TCF20: variants seen among roughly 807,000 people sequenced by gnomAD.
The protein encoded by TCF20 is SPRE-binding protein.
Under a neutral mutation model 148.6 loss-of-function variants are expected in TCF20, and 3 were observed. The observed-to-expected ratio is 0.02, with a 90% CI of 0.01 to 0.05. The LOEUF is 0.05. Among genes scored for constraint, TCF20 ranks in the 10% least tolerant of loss-of-function variants. The probability of loss-of-function intolerance (pLI) is 1.00; values close to 1 mark genes in which losing one functional copy is unlikely to be tolerated. For missense variants in TCF20, 2,350 were observed against 2,429.3 expected (o/e 0.97, Z 0.69); for synonymous variants, 1,049 against 909.5 (o/e 1.15, Z -2.76).
chr22:42,288,102 A>G (rs1028848155), upstream of TCF20, among the ~76,000 whole-genome samples: 3 of 152,060 alleles, frequency 2.0e-5, no homozygotes, highest in Non-Finnish European at 2.9e-5. Flanking sequence ...CTATTAAGAG[A>G]TCAGAGTGCT....
rs1037635953 is a variant in TCF20, at chr22:42,318,635, C to A, written c.-37+24844G>T. Among the ~76,000 whole-genome samples the A allele has an allele frequency of 1.1e-4, 16 of 152,188 alleles. No individual in the cohort carries two copies. The South Asian group carries it at 1.5e-3, about 14-fold the overall frequency. ...TGAGCCCTAGCACTGCCCAGCCAAG[C>A]CTTCATCAGGGACCACGAGTGAGGG... On this transcript the variant is annotated intron_variant, in intron 1 of 1. Transcript: ENST00000515426.
intron 1 of TCF20, among the ~76,000 whole-genome samples, chr22:42,309,838 G>T (rs1927501693): frequency 6.6e-6 from 1 of 152,220 alleles, no homozygotes; most frequent in Admixed American, 6.5e-5. Flanking sequence ...TCACAGTGTT[G>T]TGGTGAGGAT....
At chr22:42,313,597 CTTT>C (rs551146210) in intron 1 of TCF20, among the ~76,000 whole-genome samples, 3 of 120,306 alleles carry the variant, frequency 2.5e-5, no homozygotes, top group Admixed American at 8.9e-5. Context: ...AGAATTCTTT[CTTT>C]TTTTTTTTTT....
At position 42,297,995 on chromosome 22, in the gene TCF20, G is replaced by C. The variant is rs1927265749; in HGVS notation, c.-37+45484C>G. Among the ~76,000 whole-genome samples, 1 of 152,210 alleles carries C rather than the reference G, an allele frequency of 6.6e-6. No homozygotes were observed. Among genetic ancestry groups the C allele is most frequent in the Admixed American group, 6.5e-5 (1 of 15,284 alleles). On this transcript the variant is annotated intron_variant, in intron 1 of 1. Transcript: ENST00000515426. This position sits in a 1 kb window ranked among gnomAD's most constrained non-coding sequence, Gnocchi z 4.3. ...GCTGCTCACATCTGTACAAAGTGGT[G>C]GGGCTTTTCAGCATCTGTCTTCTCA...
intron 1 of TCF20, among the ~76,000 whole-genome samples, chr22:42,269,309 CAA>C (rs967200299): frequency 4.6e-5 from 7 of 151,948 alleles, no homozygotes; most frequent in Non-Finnish European, 8.8e-5. Context: ...GAAAAAAAAG[CAA>C]AAAGGAAAAG....
intron 1 of TCF20, among the ~76,000 whole-genome samples, chr22:42,255,706 A>T (rs946728467): frequency 6.6e-6 from 1 of 152,132 alleles, no homozygotes; most frequent in African/African-American, 2.4e-5. Context: ...AGAAAATCAG[A>T]ACAGTAAGAG....
chr22:42,203,611 T>C (rs1938189288), intron 2 of TCF20, among the ~76,000 whole-genome samples: 1 of 152,206 alleles, frequency 6.6e-6, no homozygotes, highest in African/African-American at 2.4e-5. Flanking sequence ...TACCACACAG[T>C]GTTAAGAAAA....
At chr22:42,300,515 A>C (rs1256473494) in intron 1 of TCF20, among the ~76,000 whole-genome samples, 3 of 152,178 alleles carry the variant, frequency 2.0e-5, no homozygotes, top group Non-Finnish European at 2.9e-5. Flanking sequence ...GGGGGCACTG[A>C]GGCCCAGGAA....
At chr22:42,301,625 T>C (rs1426602989) in intron 1 of TCF20, among the ~76,000 whole-genome samples, 1 of 152,208 alleles carries the variant, frequency 6.6e-6, no homozygotes, top group Non-Finnish European at 1.5e-5. Context: ...CAGAGCTCCC[T>C]GGCGTAGCTC....
Position 42,233,749 on chromosome 22 carries a change from G to A in TCF20, c.-36-18408C>T, listed in dbSNP as rs868757786. On this transcript the variant is annotated intron_variant, in intron 1 of 5. Coordinates refer to ENST00000677622, the MANE Select transcript of TCF20 (RefSeq NM_001378418.1). ...ATGAAGACCAAAAGTTTTAATCTGTGAGGAAAATTAATACCAAGAAAGGGT... is the reference window on the plus strand; with the variant it reads ...ATGAAGACCAAAAGTTTTAATCTGTAAGGAAAATTAATACCAAGAAAGGGT... Among the ~76,000 whole-genome samples, 3 of 152,152 alleles carry A rather than the reference G, an allele frequency of 2.0e-5. 1 individual carries two copies. The South Asian group carries it at 6.2e-4, about 32-fold the overall frequency.
intron 1 of TCF20, among the ~76,000 whole-genome samples, chr22:42,308,012 T>A (rs547947589): frequency 5.3e-5 from 8 of 152,378 alleles, no homozygotes; most frequent in African/African-American, 1.9e-4. Flanking sequence ...TAAGACCAGA[T>A]TAATCTGCTT....
chr22:42,234,190 C>T (rs559123721), intron 1 of TCF20, among the ~76,000 whole-genome samples: 2 of 152,300 alleles, frequency 1.3e-5, no homozygotes, highest in Admixed American at 1.3e-4. Flanking sequence ...AAAGTGCTGG[C>T]TAACAACCTT....
chr22:42,242,378 T>C (rs893141194), intron 1 of TCF20, among the ~76,000 whole-genome samples: 2 of 151,774 alleles, frequency 1.3e-5, no homozygotes, highest in Non-Finnish European at 2.9e-5. Context: ...ATCAAGAATC[T>C]TGGTGAATAC....
At position 42,299,987 on chromosome 22, in the gene TCF20, C is replaced by T. The variant is rs1927306004; in HGVS notation, c.-37+43492G>A. Among the ~76,000 whole-genome samples, 1 of 151,122 alleles carries T rather than the reference C, an allele frequency of 6.6e-6. No individual in the cohort carries two copies. The highest frequency in any genetic ancestry group is 6.6e-5 in the Admixed American group (1 of 15,156). On this transcript the variant is annotated intron_variant, in intron 1 of 1. Transcript: ENST00000515426. The surrounding 1 kb of genome is among the most constrained non-coding windows in gnomAD (Gnocchi z 4.1). ...GGGGAGGGGGAGGGGGAGGGGCGCG[C>T]TGAAATCACCCGCAACATCAAAGCC...
At chr22:42,206,607 T>C (rs1817265541) in intron 2 of TCF20, among the ~76,000 whole-genome samples, 1 of 152,150 alleles carries the variant, frequency 6.6e-6, no homozygotes, top group Non-Finnish European at 1.5e-5. Flanking sequence ...GTGTATAAAC[T>C]TCTTAGGGGA....
At position 42,270,433 on chromosome 22, in the gene TCF20, TG is replaced by T. The variant is rs1287177077; in HGVS notation, c.-132del. On this transcript the variant is annotated 5_prime_UTR_variant, in exon 1 of 6. Coordinates refer to ENST00000677622, the MANE Select transcript of TCF20 (RefSeq NM_001378418.1). ...CGGGCGGCGCTGCGCGGGGTGGGGG[TG>T]GGGGTGGCTCCGCCGCCTCCAGCTC... Among the ~76,000 whole-genome samples the T allele has an allele frequency of 1.8e-5, 2 of 109,202 alleles. No homozygotes were observed. The highest frequency in any genetic ancestry group is 6.8e-5 in the African/African-American group (2 of 29,330). 71.6% of individuals were successfully genotyped at this position (109,202 alleles called of 152,430 possible).
intron 1 of TCF20, among the ~76,000 whole-genome samples, chr22:42,249,548 T>A (rs1000496738): frequency 4.6e-5 from 7 of 152,164 alleles, no homozygotes; most frequent in African/African-American, 1.7e-4. Context: ...AAGATAAAAG[T>A]TTAAAAGCTA....
At chr22:42,321,786 A>G (rs1467090686) in intron 1 of TCF20, among the ~76,000 whole-genome samples, 1 of 151,542 alleles carries the variant, frequency 6.6e-6, no homozygotes, top group Non-Finnish European at 1.5e-5. Flanking sequence ...ATCACTTCCA[A>G]AAATACAAAA....
chr22:42,226,910 T>C (rs1414072575), intron 1 of TCF20, among the ~76,000 whole-genome samples: 2 of 152,200 alleles, frequency 1.3e-5, no homozygotes, highest in Admixed American at 6.5e-5. Flanking sequence ...GGGCTAGTAT[T>C]GTAAAGACGT....
Sources: allele counts gnomAD v4.1 joint callset (sites outside exome capture counted in the v4.1 genomes callset), GRCh38; gene constraint gnomAD v4.1.1; non-coding constraint Gnocchi (gnomAD v3.1); transcripts MANE v1.5; gene names NCBI Gene and HGNC (gene_info 2026-07-23, HGNC 2026-07-21).